USP40: variants seen among roughly 807,000 people sequenced by gnomAD.
The protein encoded by USP40 is ubiquitin carboxyl-terminal hydrolase 40.
In USP40, 143 loss-of-function variants were observed where a neutral mutation model predicts 166.2. That is an observed-to-expected ratio of 0.86 (90% CI 0.75 to 0.99). The LOEUF (loss-of-function observed/expected upper bound fraction) is 0.99, where lower values mean the gene tolerates loss of function less well. Ranked by LOEUF, USP40 falls within the 50% of genes least tolerant of loss-of-function variation. The pLI is 0.00. For synonymous variants in USP40, 498 were observed against 524.0 expected (o/e 0.95, Z 0.68); for missense variants, 1,444 against 1,479.7 (o/e 0.98, Z 0.40).
In USP40 at chr2:233,540,976, T is replaced by TTTCCATGTGCCATC. The variant is rs1247556194; in HGVS notation, c.1063-221_1063-208dup. ...TTGAGAAAACTTGGATTTTTGCCAT[T>TTTCCATGTGCCATC]TTCCATGTGCCATCTTCCATTTGAA... is the stretch of plus-strand genomic sequence containing the variant. On this transcript the variant is annotated intron_variant, in intron 9 of 31. Transcript: ENST00000678225. 2.6e-5 allele frequency among the ~76,000 whole-genome samples: 4 copies of TTTCCATGTGCCATC among 152,240 alleles called. No individual in the cohort carries two copies. The East Asian group carries it at 7.7e-4, about 29-fold the overall frequency.
At chr2:233,477,715 T>G (rs1221359921) in intron 31 of USP40, among the ~76,000 whole-genome samples, 1 of 152,220 alleles carries the variant, frequency 6.6e-6, no homozygotes, top group Non-Finnish European at 1.5e-5. Context: ...TGCTTTGCAC[T>G]GGCAGCACGG....
intron 5 of USP40, among the ~76,000 whole-genome samples, chr2:233,554,820 G>A (rs772435419): frequency 2.0e-5 from 3 of 152,124 alleles, no homozygotes; most frequent in Admixed American, 1.3e-4. Context: ...AATAAGACAC[G>A]TATCTGAATT....
At position 233,476,996 on chromosome 2, in the gene USP40, C is replaced by T. The variant is rs920269099; in HGVS notation, c.*396G>A. On this transcript the variant is annotated 3_prime_UTR_variant, in exon 32 of 32. Coordinates refer to ENST00000678225, the MANE Select transcript of USP40 (RefSeq NM_001365479.2). ...AGGGCGAACGAGAGTCATCTGAACA[C>T]GGAGGAAAGTGGCTGGCCTGACCCC... 4.2e-5 allele frequency: 14 copies of T among 332,126 alleles called. No individual in the cohort carries two copies. The highest frequency in any genetic ancestry group is 1.1e-3 in the Middle Eastern group (1 of 914). 20.6% of individuals were successfully genotyped at this position (332,126 alleles called of 1,614,324 possible). A position where few individuals can be genotyped will look rare whatever the true frequency, so the allele number is the denominator to read the frequency against.
intron 5 of USP40, among the ~76,000 whole-genome samples, chr2:233,555,770 A>G (rs911049623): frequency 2.0e-5 from 3 of 151,492 alleles, no homozygotes; most frequent in Non-Finnish European, 4.4e-5. Flanking sequence ...TGAAAATCAC[A>G]TATTTTTATA....
Position 233,553,955 on chromosome 2 carries a change from A to C in USP40, c.693+425T>G, listed in dbSNP as rs113192139. Among the ~76,000 whole-genome samples, 397 of 152,354 alleles carry C rather than the reference A, an allele frequency of 2.6e-3. 2 individuals are homozygous for C. Among genetic ancestry groups the C allele is most frequent in the African/African-American group, 8.9e-3 (369 of 41,586 alleles). On this transcript the variant is annotated intron_variant, in intron 6 of 31. Transcript: ENST00000678225. ...CACCTGGGGGAGGAGGTAAGGCTATATTGGATTTGCCAGAGTGAGGAAGAA... is the reference window on the plus strand; with the variant it reads ...CACCTGGGGGAGGAGGTAAGGCTATCTTGGATTTGCCAGAGTGAGGAAGAA...
rs2065498762 is a variant in USP40 at position 233,493,842 on chromosome 2, TATACCA to T, written c.2791-297_2791-292del. 1.3e-5 allele frequency among the ~76,000 whole-genome samples: 2 copies of T among 152,156 alleles called. No homozygotes were observed. Among genetic ancestry groups the T allele is most frequent in the African/African-American group, 4.8e-5 (2 of 41,432 alleles). ...GAACAATGCATTTGCTTGAACACACTATACCAGCGTTTCCAGGCGCTGTCCAAGCAC... is the reference window on the plus strand; with the variant it reads ...GAACAATGCATTTGCTTGAACACACTGCGTTTCCAGGCGCTGTCCAAGCAC... On this transcript the variant is annotated intron_variant, in intron 24 of 31. Coordinates refer to ENST00000678225, the MANE Select transcript of USP40 (RefSeq NM_001365479.2). The surrounding 1 kb of genome is among the most constrained non-coding windows in gnomAD (Gnocchi z 4.7).
chr2:233,546,512 T>C (rs1542326), intron 8 of USP40: 122,433 of 152,138 alleles, frequency 0.8, 49,425 homozygotes, highest in East Asian at 0.96. Flanking sequence ...TGTAGGGGCA[T>C]ACTCCCTGAG....
At chr2:233,522,739 T>G (rs1188890428) in intron 16 of USP40, among the ~76,000 whole-genome samples, 2 of 152,174 alleles carry the variant, frequency 1.3e-5, no homozygotes, top group African/African-American at 4.8e-5. Context: ...AAGGAAACAA[T>G]GAGTTGTCTT....
intron 27 of USP40, among the ~76,000 whole-genome samples, 185 bp from the exon 28 acceptor site, chr2:233,488,489 T>G (rs973798449): frequency 6.6e-6 from 1 of 152,246 alleles, no homozygotes; most frequent in Admixed American, 6.5e-5. Flanking sequence ...ATTTAGATAC[T>G]TGAGTCATTT....
At chr2:233,519,738 C>A in intron 17 of USP40, 67 bp from the exon 18 acceptor site, 1 of 875,842 alleles carries the variant, frequency 1.1e-6, no homozygotes, top group South Asian at 1.7e-5. Context: ...TGAGGATTGT[C>A]ACTGTGTGCA....
intron 11 of USP40, among the ~76,000 whole-genome samples, chr2:233,530,551 A>G (rs962440172): frequency 2.0e-5 from 3 of 152,228 alleles, no homozygotes; most frequent in African/African-American, 7.2e-5. Flanking sequence ...TTTTAAATAC[A>G]CATACTCAAA....
At chr2:233,524,735 C>T (rs937318281) in intron 14 of USP40, among the ~76,000 whole-genome samples, 173 bp from the exon 15 acceptor site, 6 of 152,134 alleles carry the variant, frequency 3.9e-5, no homozygotes, top group South Asian at 4.2e-4. Flanking sequence ...TTCTTTAAAA[C>T]GTTGTGACAA....
intron 6 of USP40, among the ~76,000 whole-genome samples, chr2:233,553,018 G>A (rs934033170): frequency 5.3e-5 from 8 of 151,724 alleles, no homozygotes; most frequent in African/African-American, 1.7e-4. Context: ...CAGTGGGAAC[G>A]TCACCACTGC....
At position 233,496,181 on chromosome 2, in the gene USP40, G is replaced by T. The variant is rs567815682; in HGVS notation, c.2790+577C>A. Among the ~76,000 whole-genome samples, 10 of 152,262 alleles carry T rather than the reference G, an allele frequency of 6.6e-5. No homozygotes were observed. The South Asian group carries it at 2.1e-3, about 32-fold the overall frequency. The stretch of plus-strand genomic sequence containing the variant: ...CAGTTATCTGAGTCTTGGAGTTTGG[G>T]GCCATTTGTTTCTCTTTTGGGTTCA... On this transcript the variant is annotated intron_variant, in intron 24 of 31. Transcript: ENST00000678225.
intron 2 of USP40, among the ~76,000 whole-genome samples, chr2:233,563,665 C>A (rs1486612083): frequency 6.6e-6 from 1 of 152,104 alleles, no homozygotes; most frequent in Non-Finnish European, 1.5e-5. Context: ...CCCAATGTAG[C>A]CCTATTATTT....
chr2:233,559,815 T>A lies in USP40; in HGVS notation c.377A>T (p.Asn126Ile). ...DLTDSFGWTS[N>I]EEMRQHDVQE... ...TTAAAGAGCTGATCCTCGTACCTCA[T>A]TACTGGTCCACCCAAAGCTGTCAGT... Residue 126 changes from asparagine to isoleucine, a missense_variant, in exon 4 of 32, where the codon AAT (asparagine) becomes ATT (isoleucine). Coordinates refer to ENST00000678225, the MANE Select transcript of USP40 (RefSeq NM_001365479.2). The A allele has an allele frequency of 6.2e-7, 1 of 1,605,196 alleles. No homozygotes were observed.
intron 15 of USP40, among the ~76,000 whole-genome samples, chr2:233,523,997 C>G (rs552711862): frequency 2.0e-5 from 3 of 152,216 alleles, no homozygotes; most frequent in Non-Finnish European, 4.4e-5. Context: ...TGACGCACAA[C>G]CTGGTATAAC....
intron 21 of USP40, among the ~76,000 whole-genome samples, chr2:233,505,005 A>AT (rs1559233317): frequency 6.6e-6 from 1 of 152,082 alleles, no homozygotes; most frequent in South Asian, 2.1e-4. Context: ...CATATCAAGT[A>AT]TTTTTTCTAA....
At chr2:233,517,666 CG>C (rs749880978) in intron 18 of USP40, among the ~76,000 whole-genome samples, 40 of 152,200 alleles carry the variant, frequency 2.6e-4, no homozygotes, top group Non-Finnish European at 3.5e-4. Flanking sequence ...GGATTACAGG[CG>C]TGAGCCACTG....
Sources: gnomAD v4.1 joint callset for allele counts (sites outside exome capture counted in the v4.1 genomes callset) on GRCh38, gnomAD v4.1.1 for gene constraint, Gnocchi (gnomAD v3.1) non-coding constraint, MANE v1.5 for transcripts, NCBI Gene and HGNC (gene_info 2026-07-23, HGNC 2026-07-21) for gene names.